Variants in HDAC9 observed in about 807,000 individuals in gnomAD.
HDAC9 encodes MEF-2 interacting transcription repressor (MITR) protein.
Under a neutral mutation model 139.4 loss-of-function variants are expected in HDAC9, and 41 were observed. The ratio of observed to expected loss-of-function variants is 0.29; its 90% CI spans 0.23 to 0.38. The LOEUF is 0.38. Among genes scored for constraint, HDAC9 ranks in the 10% least tolerant of loss-of-function variants. The pLI is 1.00. For synonymous variants in HDAC9, 517 were observed against 476.2 expected, an observed-to-expected ratio of 1.09 and a Z score of -1.12; for missense variants, 1,147 against 1,297.0, an observed-to-expected ratio of 0.88 and a Z score of 1.78.
intron 1 of HDAC9, among the ~76,000 whole-genome samples, chr7:18,401,318 C>G (rs1448543175): frequency 1.3e-5 from 2 of 152,302 alleles, no homozygotes; most frequent in East Asian, 3.9e-4. Flanking sequence ...TTTGGGCTCA[C>G]TTTTGCACAG....
chr7:18,143,943 T>G (rs1786100570), intron 1 of HDAC9, among the ~76,000 whole-genome samples: 1 of 152,066 alleles, frequency 6.6e-6, no homozygotes, highest in South Asian at 2.1e-4. Context: ...AAAGCCTAAA[T>G]CGACATGGAT....
chr7:18,264,306 C>T (rs2128208858), intron 2 of HDAC9, among the ~76,000 whole-genome samples: 1 of 152,106 alleles, frequency 6.6e-6, no homozygotes, highest in East Asian at 1.9e-4. Context: ...AAAGGACCAA[C>T]AGCATGCAAA....
At chr7:18,809,555 G>C (rs566364203) in intron 17 of HDAC9, among the ~76,000 whole-genome samples, 5 of 151,956 alleles carry the variant, frequency 3.3e-5, no homozygotes, top group Non-Finnish European at 7.4e-5. Flanking sequence ...ATTTCTTAAA[G>C]AAGTTATACA....
chr7:18,929,623 GT>G (rs1462675281), intron 22 of HDAC9, among the ~76,000 whole-genome samples: 1 of 152,116 alleles, frequency 6.6e-6, no homozygotes, highest in Non-Finnish European at 1.5e-5. Context: ...AAAAGCTTAA[GT>G]TACCAAATCT....
intron 1 of HDAC9, among the ~76,000 whole-genome samples, chr7:18,365,283 C>T (rs931273401): frequency 6.6e-6 from 1 of 151,944 alleles, no homozygotes; most frequent in Non-Finnish European, 1.5e-5. Flanking sequence ...CTAGTGTGAA[C>T]TCTGATAGGT....
At chr7:18,734,741 G>T (rs1030440322) in intron 13 of HDAC9, among the ~76,000 whole-genome samples, 1 of 152,066 alleles carries the variant, frequency 6.6e-6, no homozygotes, top group Non-Finnish European at 1.5e-5. Context: ...TAATCCTTTG[G>T]GTATATACCC....
At chr7:18,190,773 A>G (rs1269004469) in intron 2 of HDAC9, among the ~76,000 whole-genome samples, 3 of 152,182 alleles carry the variant, frequency 2.0e-5, no homozygotes, top group African/African-American at 4.8e-5. Flanking sequence ...AATCACTTGT[A>G]TCATCTCACT....
Position 18,322,718 on chromosome 7 carries a change from T to A in HDAC9, c.-42+32203T>A, listed in dbSNP as rs867983512. ...GGAGAAGAAAGCAGACAGTCATGGATAATAGTAAGCCGACATTCGAGAACA... is the reference window on the plus strand; with the variant it reads ...GGAGAAGAAAGCAGACAGTCATGGAAAATAGTAAGCCGACATTCGAGAACA... On this transcript the variant is annotated intron_variant, in intron 1 of 3. Transcript: ENST00000413509. 4.6e-5 allele frequency among the ~76,000 whole-genome samples: 7 copies of A among 152,302 alleles called. No homozygotes were observed. In the South Asian group the frequency reaches 1.4e-3, roughly 32 times the overall value.
chr7:18,218,350 A>G (rs755742481), intron 2 of HDAC9, among the ~76,000 whole-genome samples: 2 of 152,252 alleles, frequency 1.3e-5, no homozygotes, highest in East Asian at 3.9e-4. Context: ...AGGCTGAGGC[A>G]TAAGAACCAC....
intron 13 of HDAC9, among the ~76,000 whole-genome samples, chr7:18,735,984 C>A (rs1460475989): frequency 6.6e-6 from 1 of 152,090 alleles, no homozygotes; most frequent in African/African-American, 2.4e-5. Flanking sequence ...GTATTTTATT[C>A]TCTTTGTAGT....
chr7:18,867,484 T>C (rs968420860), intron 21 of HDAC9, among the ~76,000 whole-genome samples: 2 of 152,224 alleles, frequency 1.3e-5, no homozygotes, highest in Non-Finnish European at 2.9e-5. Flanking sequence ...TAAATACTAG[T>C]ATGTGATAGC....
upstream of HDAC9, among the ~76,000 whole-genome samples, chr7:18,494,896 T>A (rs1796671767): frequency 6.6e-6 from 1 of 152,084 alleles, no homozygotes; most frequent in Non-Finnish European, 1.5e-5. Flanking sequence ...AAATTGAATT[T>A]AGCCTGAGAG....
intron 19 of HDAC9, 42 bp downstream of exon 19, chr7:18,829,590 A>T: frequency 8.1e-7 from 1 of 1,241,660 alleles, no homozygotes. Context: ...GTGATTCTAG[A>T]TAAAGGGGAG....
chr7:18,675,669 G>A (rs1018123420), intron 12 of HDAC9, among the ~76,000 whole-genome samples: 5 of 151,844 alleles, frequency 3.3e-5, no homozygotes, highest in African/African-American at 7.3e-5. Flanking sequence ...CCTTTTTCAT[G>A]TCCTAGCACA....
At chr7:18,385,480 A>T (rs999713980) in intron 1 of HDAC9, among the ~76,000 whole-genome samples, 1 of 152,194 alleles carries the variant, frequency 6.6e-6, no homozygotes, top group African/African-American at 2.4e-5. Context: ...TTTTGGAAAG[A>T]TACATCACTA....
chr7:18,995,098 A>AT (rs1156410207), intron 25 of HDAC9, among the ~76,000 whole-genome samples: 1 of 152,128 alleles, frequency 6.6e-6, no homozygotes, highest in African/African-American at 2.4e-5. Flanking sequence ...TACCTCCTTT[A>AT]TTTTTTAACC....
chr7:18,858,401 C>T (rs1797850956), intron 21 of HDAC9, among the ~76,000 whole-genome samples: 1 of 152,034 alleles, frequency 6.6e-6, no homozygotes. Context: ...AATGAGTGCC[C>T]AGCAAAGGGG....
chr7:18,148,173 A>C (rs1786488509), intron 1 of HDAC9, among the ~76,000 whole-genome samples: 1 of 152,238 alleles, frequency 6.6e-6, no homozygotes, highest in South Asian at 2.1e-4. Flanking sequence ...GCTTGAAACA[A>C]CAGAAATGTA....
intron 1 of HDAC9, among the ~76,000 whole-genome samples, chr7:18,134,171 G>C (rs965363571): frequency 1.3e-5 from 2 of 151,786 alleles, no homozygotes; most frequent in African/African-American, 4.8e-5. Flanking sequence ...TCATACTGTG[G>C]GACTGCTTTA....
Sources: gnomAD v4.1 joint callset for allele counts (sites outside exome capture counted in the v4.1 genomes callset) on GRCh38, gnomAD v4.1.1 for gene constraint, MANE v1.5 for transcripts, NCBI Gene and HGNC (gene_info 2026-07-23, HGNC 2026-07-21) for gene names.